Variants in ITPR2 observed in about 807,000 individuals in gnomAD.
The protein encoded by ITPR2 is inositol 1,4,5-trisphosphate receptor type 2.
Under a neutral mutation model 317.1 loss-of-function variants are expected in ITPR2, and 207 were observed. That is an observed-to-expected ratio of 0.65 (90% CI 0.58 to 0.73). The LOEUF (loss-of-function observed/expected upper bound fraction) is 0.73. Ranked by LOEUF, ITPR2 falls within the 30% of genes least tolerant of loss-of-function variation. The probability of loss-of-function intolerance (pLI) is 0.00; values close to 1 mark genes in which losing one functional copy is unlikely to be tolerated. For missense variants in ITPR2, 2,613 were observed against 3,284.0 expected (o/e 0.80, Z 4.99); for synonymous variants, 1,156 against 1,149.1 (o/e 1.01, Z -0.12).
intron 45 of ITPR2, among the ~76,000 whole-genome samples, chr12:26,451,098 A>C (rs971673139): frequency 2.6e-5 from 4 of 152,166 alleles, no homozygotes; most frequent in Non-Finnish European, 4.4e-5. Context: ...AGAAAGAAGC[A>C]ATGTTCATGT....
intron 13 of ITPR2, among the ~76,000 whole-genome samples, chr12:26,680,830 C>A (rs1291679916): frequency 2.6e-5 from 4 of 152,140 alleles, no homozygotes; most frequent in Non-Finnish European, 5.9e-5. Context: ...CATTCTTGAA[C>A]ATGTGTCCTG....
intron 13 of ITPR2, among the ~76,000 whole-genome samples, chr12:26,669,606 C>T (rs967332198): frequency 6.6e-6 from 1 of 152,180 alleles, no homozygotes; most frequent in African/African-American, 2.4e-5. Flanking sequence ...GTCTACAGCT[C>T]CCAGCGTGAG....
intron 55 of ITPR2, among the ~76,000 whole-genome samples, chr12:26,345,075 T>C (rs1333898712): frequency 1.3e-5 from 2 of 152,202 alleles, no homozygotes; most frequent in African/African-American, 4.8e-5. Flanking sequence ...AAATATATAA[T>C]GTACAACTAA....
At chr12:26,661,289 T>TG (rs1180113264) in intron 15 of ITPR2, among the ~76,000 whole-genome samples, 1 of 9,498 alleles carries the variant, frequency 1.1e-4, no homozygotes, top group African/African-American at 4.2e-4. Context: ...GGGGGGGGGG[T>TG]GGGAGGGAAC....
At chr12:26,435,441 T>C (rs1941328336) in intron 48 of ITPR2, among the ~76,000 whole-genome samples, 1 of 152,196 alleles carries the variant, frequency 6.6e-6, no homozygotes, top group African/African-American at 2.4e-5. Flanking sequence ...TATTATTAGC[T>C]GATTTCTCCA....
rs760781405 is a variant in ITPR2, at chr12:26,665,990, G to T, written c.1471C>A (p.Gln491Lys). ...FFVADVPNNG[Q>K]EVLDVVITKP... The stretch of plus-strand genomic sequence containing the variant: ...GTGATAACCACATCCAGAACTTCTT[G>T]TCCATTATTAGGCACATCAGCAACA... The change falls in exon 14 of 57, where the codon CAA becomes AAA. Residue 491 changes from glutamine (Q) to lysine (K), a missense_variant. Around this residue, in one of 9 missense-constraint regions of ITPR2, gnomAD observed 515 missense variants for 789.4 expected, o/e 0.65. Coordinates refer to ENST00000381340, the MANE Select transcript of ITPR2 (RefSeq NM_002223.4). The T allele has an allele frequency of 1.1e-5, 18 of 1,613,160 alleles. No individual in the cohort carries two copies. Among genetic ancestry groups the T allele is most frequent in the Non-Finnish European group, 1.5e-5 (18 of 1,179,228 alleles).
chr12:26,414,277 C>T (rs1940651281), intron 51 of ITPR2, among the ~76,000 whole-genome samples: 1 of 152,128 alleles, frequency 6.6e-6, no homozygotes, highest in African/African-American at 2.4e-5. Context: ...CCATTCTGTG[C>T]TTTGATGACT....
At chr12:26,520,393 G>A (rs1191492750) in intron 37 of ITPR2, among the ~76,000 whole-genome samples, 4 of 152,174 alleles carry the variant, frequency 2.6e-5, no homozygotes, top group Non-Finnish European at 5.9e-5. Flanking sequence ...TTGACTTCCT[G>A]TTTTTGCTTC....
At chr12:26,803,320 T>C (rs2137246925) in intron 1 of ITPR2, among the ~76,000 whole-genome samples, 1 of 151,240 alleles carries the variant, frequency 6.6e-6, no homozygotes, top group East Asian at 1.9e-4. Context: ...AATCTTTATC[T>C]CCTCAATACC....
At chr12:26,525,137 CAA>C (rs1943776325) in intron 37 of ITPR2, among the ~76,000 whole-genome samples, 1 of 152,044 alleles carries the variant, frequency 6.6e-6, no homozygotes, top group Non-Finnish European at 1.5e-5. Context: ...AAGAAATTTC[CAA>C]AGATTTTACT....
chr12:26,485,415 C>T (rs1037472554), intron 41 of ITPR2, among the ~76,000 whole-genome samples: 7 of 152,260 alleles, frequency 4.6e-5, no homozygotes, highest in African/African-American at 9.6e-5. Context: ...CACTGCCAGA[C>T]GAAATGGGTT....
At chr12:26,438,555 G>C (rs1035797484) in intron 47 of ITPR2, among the ~76,000 whole-genome samples, 2 of 151,994 alleles carry the variant, frequency 1.3e-5, no homozygotes, top group Non-Finnish European at 2.9e-5. Context: ...TAATAGACGT[G>C]GGACCTAAGA....
intron 28 of ITPR2, among the ~76,000 whole-genome samples, chr12:26,602,045 A>C (rs1002215938): frequency 6.6e-6 from 1 of 152,224 alleles, no homozygotes; most frequent in Non-Finnish European, 1.5e-5. Context: ...TAAACATGAC[A>C]ACCGAATAGC....
chr12:26,520,466 C>A lies in ITPR2; in HGVS notation c.5074-25206G>T, dbSNP rs555655897. On this transcript the variant is annotated intron_variant, in intron 37 of 56. Transcript: ENST00000381340. ...TGGCAAGGGTGTTTCCTGCTCAAAG[C>A]CACAACTAACCCAGTCTGTAGTTTT... 4.6e-5 allele frequency among the ~76,000 whole-genome samples: 7 copies of A among 152,316 alleles called. No homozygotes were observed. The South Asian group carries it at 1.5e-3, about 32-fold the overall frequency.
In ITPR2 at chr12:26,496,816, C is replaced by T. The variant is rs149080541; in HGVS notation, c.5074-1556G>A. ...AAAATTAGCCAGGCGTGGTGGTGGG[C>T]GCCTGTAGTCCCAGCTACTTGGGAG... is the stretch of plus-strand genomic sequence containing the variant. On this transcript the variant is annotated intron_variant, in intron 37 of 56. Transcript: ENST00000381340. Among the ~76,000 whole-genome samples the T allele has an allele frequency of 7.3e-3, 1,104 of 151,670 alleles. 12 individuals carry two copies. The highest frequency in any genetic ancestry group is 0.024 in the African/African-American group (1,005 of 41,382).
Position 26,771,325 on chromosome 12 carries a change from C to A in ITPR2, c.163+18832G>T, listed in dbSNP as rs1476343091. Among the ~76,000 whole-genome samples the A allele has an allele frequency of 2.0e-5, 3 of 152,068 alleles. No homozygotes were observed. The East Asian group carries it at 5.8e-4, about 29-fold the overall frequency. On this transcript the variant is annotated intron_variant, in intron 2 of 56. Coordinates refer to ENST00000381340, the MANE Select transcript of ITPR2 (RefSeq NM_002223.4). ...ATCTACTTTCCTTGTATTCCTTTTA[C>A]CCCCTTTCTACCAACTAGGAAATGC... is the stretch of plus-strand genomic sequence containing the variant.
chr12:26,812,337 G>A (rs555638662), intron 1 of ITPR2, among the ~76,000 whole-genome samples: 2 of 152,192 alleles, frequency 1.3e-5, no homozygotes, highest in South Asian at 2.1e-4. Flanking sequence ...CAAGCACTCT[G>A]GGAGGCCGAG....
At chr12:26,580,216 T>C (rs982497608) in intron 32 of ITPR2, 61 bp from the exon 33 acceptor site, 3 of 1,487,066 alleles carry the variant, frequency 2.0e-6, no homozygotes, top group Non-Finnish European at 1.8e-6. Flanking sequence ...CAATTCAGTA[T>C]TGGAACCACC....
intron 26 of ITPR2, among the ~76,000 whole-genome samples, chr12:26,606,007 C>T (rs1442481038): frequency 6.6e-6 from 1 of 152,182 alleles, no homozygotes; most frequent in Non-Finnish European, 1.5e-5. Context: ...AGTTTTCCTT[C>T]TGAAAGAGCT....
Sources: gnomAD v4.1 joint callset for allele counts (sites outside exome capture counted in the v4.1 genomes callset) on GRCh38, gnomAD v4.1.1 for gene constraint, gnomAD v4.1.1 regional missense constraint, MANE v1.5 for transcripts, NCBI Gene and HGNC (gene_info 2026-07-23, HGNC 2026-07-21) for gene names.